Variants in RANBP3 observed in about 807,000 individuals in gnomAD.
RANBP3 encodes RAN binding protein 3, also known as ran-binding protein 3.
Under a neutral mutation model 77.3 loss-of-function variants are expected in RANBP3, and 14 were observed. The ratio of observed to expected loss-of-function variants is 0.18; its 90% CI spans 0.12 to 0.28. RANBP3 has a LOEUF of 0.28. Among genes scored for constraint, RANBP3 ranks in the 10% least tolerant of loss-of-function variants. The pLI, the probability that RANBP3 is intolerant of heterozygous loss-of-function variation, is 1.00. For synonymous variants in RANBP3, 315 were observed against 312.4 expected, an observed-to-expected ratio of 1.01 and a Z score of -0.09; for missense variants, 586 against 752.3, an observed-to-expected ratio of 0.78 and a Z score of 2.59.
chr19:5,925,201 G>T (rs575538943), intron 10 of RANBP3: 12 of 501,774 alleles, frequency 2.4e-5, no homozygotes, highest in African/African-American at 2.3e-4. Flanking sequence ...CACCTGGAGG[G>T]GCAGCTGGTC....
intron 14 of RANBP3, among the ~76,000 whole-genome samples, chr19:5,920,004 G>A (rs1404968318): frequency 1.3e-5 from 2 of 152,142 alleles, no homozygotes; most frequent in Non-Finnish European, 2.9e-5. Context: ...TGATTGAAGT[G>A]CATGAACACT....
intron 8 of RANBP3, 50 bp downstream of exon 8, chr19:5,931,354 C>T (rs2057987562): frequency 6.4e-7 from 1 of 1,561,166 alleles, no homozygotes; most frequent in East Asian, 2.3e-5. Context: ...TGCCCTCCCG[C>T]TCCCAAGGGG....
intron 2 of RANBP3, among the ~76,000 whole-genome samples, chr19:5,956,126 C>T (rs1017805425): frequency 3.3e-5 from 5 of 152,030 alleles, no homozygotes; most frequent in African/African-American, 1.2e-4. Context: ...AAAACATAAA[C>T]AAATAAAACA....
intron 9 of RANBP3, 96 bp downstream of exon 9, chr19:5,927,872 C>T (rs1022838882): frequency 1.6e-5 from 24 of 1,475,602 alleles, no homozygotes; most frequent in Non-Finnish European, 2.2e-5. Flanking sequence ...GTCCCACGCT[C>T]CCCTCCCCTG....
intron 1 of RANBP3, among the ~76,000 whole-genome samples, chr19:5,964,050 C>T (rs923110791): frequency 2.0e-5 from 3 of 152,198 alleles, no homozygotes; most frequent in African/African-American, 7.2e-5. Flanking sequence ...GAGTGAGCCC[C>T]TGCTGGCATC....
At position 5,917,801 on chromosome 19, in the gene RANBP3, G is replaced by A. The variant is rs767592513; in HGVS notation, c.1653C>T (p.Thr551=). Residue 551 remains threonine, a synonymous_variant, in exon 16 of 17, where the codon ACC becomes ACT. Coordinates refer to ENST00000340578, the MANE Select transcript of RANBP3 (RefSeq NM_007322.3). ...DDDVLAPSGA[T]AAGAGDEGDG... ...AGGGACCACCCGACTCACCAGCTGCGGTGGCCCCTGAAGGAGCCAGGACAT... is the reference window on the plus strand; with the variant it reads ...AGGGACCACCCGACTCACCAGCTGCAGTGGCCCCTGAAGGAGCCAGGACAT... 3.6e-5 allele frequency: 58 copies of A among 1,608,266 alleles called. 1 individual carries two copies. The Admixed American group carries it at 6.5e-4, about 18-fold the overall frequency.
intron 5 of RANBP3, chr19:5,933,845 C>G (rs1364332643): frequency 1.1e-5 from 2 of 182,774 alleles, no homozygotes; most frequent in Non-Finnish European, 2.3e-5. Flanking sequence ...CACAGGCGCT[C>G]AGGCCCCACT....
chr19:5,975,530 A>G (rs111536113), intron 1 of RANBP3, among the ~76,000 whole-genome samples: 3,349 of 151,514 alleles, frequency 0.022, 123 homozygotes, highest in African/African-American at 0.077. Context: ...CATTCAACCA[A>G]TATTTCCTGT....
In RANBP3 at chr19:5,958,180, G is replaced by A. The variant is rs937179088; in HGVS notation, c.23-207C>T. ...TGAAATGCACCCAGAATGATGTGACGTGTGCCCTCTGCTGTATGCATTTAT... is the reference window on the plus strand; with the variant it reads ...TGAAATGCACCCAGAATGATGTGACATGTGCCCTCTGCTGTATGCATTTAT... On this transcript the variant is annotated intron_variant, in intron 1 of 16. Transcript: ENST00000340578. This position sits in a 1 kb window ranked among gnomAD's most constrained non-coding sequence, Gnocchi z 4.4. Among the ~76,000 whole-genome samples, 12 of 152,316 alleles carry A rather than the reference G, an allele frequency of 7.9e-5. No homozygotes were observed. The highest frequency in any genetic ancestry group is 3.9e-4 in the East Asian group (2 of 5,184).
At chr19:5,962,732 T>C (rs1038805895) in intron 1 of RANBP3, 8 of 455,928 alleles carry the variant, frequency 1.8e-5, no homozygotes, top group Admixed American at 4.7e-5. Flanking sequence ...GAGCGTCAGT[T>C]ACTCACGCTG....
chr19:5,968,056 G>T (rs1322516155), intron 1 of RANBP3, among the ~76,000 whole-genome samples: 2 of 152,150 alleles, frequency 1.3e-5, no homozygotes, highest in East Asian at 3.9e-4. Context: ...AAAACTGCGT[G>T]GAGAGATGGA....
intron 5 of RANBP3, among the ~76,000 whole-genome samples, chr19:5,938,493 C>T (rs758947704): frequency 7.9e-5 from 12 of 152,254 alleles, no homozygotes; most frequent in Middle Eastern, 3.4e-3. Flanking sequence ...AGTTCGAGAC[C>T]AGCCTGGCCA....
rs750261684 is a variant in RANBP3, at chr19:5,925,739, T to TG, written c.814-3dup. The TG allele has an allele frequency of 6.2e-7, 1 of 1,605,234 alleles. No homozygotes were observed. Among genetic ancestry groups the TG allele is most frequent in the Admixed American group, 1.7e-5 (1 of 59,708 alleles). ...TTCGTCCACGCTCTCATTTATCAGC[T>TG]GGGAATGAGACGGAGCGCTCAGTAA... On this transcript the variant is annotated splice_region_variant and splice_polypyrimidine_tract_variant and intron_variant, in intron 9 of 16. Coordinates refer to ENST00000340578, the MANE Select transcript of RANBP3 (RefSeq NM_007322.3).
At chr19:5,922,949 TAAAAC>T (rs1028317681) in intron 13 of RANBP3, among the ~76,000 whole-genome samples, 2 of 152,002 alleles carry the variant, frequency 1.3e-5, no homozygotes, top group African/African-American at 4.8e-5. Context: ...CAAAAAAAAT[TAAAAC>T]AAAACAAAGA....
At chr19:5,940,365 C>T (rs2145132787) in intron 5 of RANBP3, among the ~76,000 whole-genome samples, 1 of 152,320 alleles carries the variant, frequency 6.6e-6, no homozygotes, top group Non-Finnish European at 1.5e-5. Context: ...TTCCACAGAA[C>T]ACCTATCCAC....
chr19:5,942,071 C>T (rs1381071477), intron 3 of RANBP3, among the ~76,000 whole-genome samples: 2 of 152,158 alleles, frequency 1.3e-5, no homozygotes, highest in African/African-American at 2.4e-5. Flanking sequence ...GGAAAGCATC[C>T]GCAGCACCCA....
intron 2 of RANBP3, among the ~76,000 whole-genome samples, chr19:5,953,200 C>G (rs1048349754): frequency 2.0e-5 from 3 of 152,188 alleles, no homozygotes; most frequent in African/African-American, 7.2e-5. Context: ...ATCACTTCCT[C>G]TCTCAGATGG....
chr19:5,960,879 C>A (rs1486675362), intron 1 of RANBP3, among the ~76,000 whole-genome samples: 3 of 152,162 alleles, frequency 2.0e-5, no homozygotes, highest in East Asian at 1.9e-4. Flanking sequence ...GATGGAGCAA[C>A]CCTGTCCTGT....
At chr19:5,971,138 T>TA (rs1475528933) in intron 1 of RANBP3, among the ~76,000 whole-genome samples, 1 of 152,196 alleles carries the variant, frequency 6.6e-6, no homozygotes, top group African/African-American at 2.4e-5. Context: ...ATGTAGCTAC[T>TA]ACTGACACCA....
Sources: gnomAD v4.1 joint callset for allele counts (sites outside exome capture counted in the v4.1 genomes callset) on GRCh38, gnomAD v4.1.1 for gene constraint, Gnocchi (gnomAD v3.1) non-coding constraint, MANE v1.5 for transcripts, NCBI Gene and HGNC (gene_info 2026-07-23, HGNC 2026-07-21) for gene names.